ATRNL1: variants seen among roughly 807,000 people sequenced by gnomAD.
The protein encoded by ATRNL1 is attractin like 1, also known as attractin-like protein 1.
In ATRNL1, 95 loss-of-function variants were observed where a neutral mutation model predicts 182.7. The ratio of observed to expected loss-of-function variants is 0.52; its 90% confidence interval spans 0.44 to 0.62. ATRNL1 has a LOEUF of 0.62. ATRNL1 is among the 20% of genes least tolerant of loss of function. The pLI, the probability that ATRNL1 is intolerant of heterozygous loss-of-function variation, is 0.00. For synonymous variants in ATRNL1, 576 were observed against 568.3 expected (o/e 1.01, Z -0.19); for missense variants, 1,471 against 1,679.5 (o/e 0.88, Z 2.17).
At chr10:115,145,081 T>G (rs1260850273) in intron 5 of ATRNL1, among the ~76,000 whole-genome samples, 1 of 152,190 alleles carries the variant, frequency 6.6e-6, no homozygotes, top group Non-Finnish European at 1.5e-5. Flanking sequence ...TTTTAGATGT[T>G]TTTGAAATAT....
At position 115,266,960 on chromosome 10, in the gene ATRNL1, G is replaced by A. The variant is rs1235667975; in HGVS notation, c.1936G>A (p.Gly646Arg). ...NKNHCESWESGNTNNILRAKC... is the reference protein window; with the variant it reads ...NKNHCESWESRNTNNILRAKC... ...AAATCACTGTGAATCTTGGGAATCT[G>A]GGAATACTAATAATATTCTTAGAGC... Residue 646 changes from glycine to arginine, a missense_variant, in exon 12 of 29, where the codon GGG (glycine) becomes AGG (arginine). Coordinates refer to ENST00000355044, the MANE Select transcript of ATRNL1 (RefSeq NM_207303.4). The A allele has an allele frequency of 6.2e-7, 1 of 1,611,698 alleles. No individual in the cohort carries two copies. The highest frequency in any genetic ancestry group is 1.3e-5 in the African/African-American group (1 of 74,810).
At chr10:115,427,900 C>CT (rs575225403) in intron 21 of ATRNL1, among the ~76,000 whole-genome samples, 4,714 of 142,982 alleles carry the variant, frequency 0.033, 103 homozygotes, top group Non-Finnish European at 0.044. Context: ...TTTGACTACT[C>CT]TTTTTTTTTT....
intron 24 of ATRNL1, among the ~76,000 whole-genome samples, chr10:115,514,017 G>A (rs1554983291): frequency 1.3e-5 from 2 of 151,774 alleles, no homozygotes. Flanking sequence ...ATTTCAGATG[G>A]TACTTTTTAT....
intron 10 of ATRNL1, among the ~76,000 whole-genome samples, chr10:115,260,261 T>C (rs1554908400): frequency 1.3e-5 from 2 of 152,196 alleles, no homozygotes; most frequent in Non-Finnish European, 2.9e-5. Flanking sequence ...AACAGTGGGA[T>C]TAAATGAAAG....
At chr10:115,825,841 T>C (rs1408600936) in intron 27 of ATRNL1, among the ~76,000 whole-genome samples, 2 of 152,310 alleles carry the variant, frequency 1.3e-5, no homozygotes, top group East Asian at 1.9e-4. Flanking sequence ...CAAGCTTGTA[T>C]AGCCTATGTA....
intron 26 of ATRNL1, among the ~76,000 whole-genome samples, chr10:115,664,185 T>C (rs1363293662): frequency 1.3e-5 from 2 of 152,182 alleles, no homozygotes; most frequent in Non-Finnish European, 2.9e-5. Flanking sequence ...TCCAGAACTT[T>C]CTAACTCCCT....
intron 16 of ATRNL1, 97 bp downstream of exon 16, chr10:115,300,344 T>A: frequency 1.1e-6 from 1 of 944,970 alleles, no homozygotes; most frequent in Non-Finnish European, 1.5e-6. Context: ...CTATGATATT[T>A]ATGTAAATTT....
At chr10:115,556,078 G>T (rs1554996950) in intron 26 of ATRNL1, among the ~76,000 whole-genome samples, 1 of 151,918 alleles carries the variant, frequency 6.6e-6, no homozygotes, top group East Asian at 1.9e-4. Flanking sequence ...GAACAAGTTG[G>T]TTTCATAATG....
At chr10:115,319,698 G>A (rs1487541744) in intron 18 of ATRNL1, among the ~76,000 whole-genome samples, 1 of 150,216 alleles carries the variant, frequency 6.7e-6, no homozygotes, top group Non-Finnish European at 1.5e-5. Flanking sequence ...TCAGAGACTA[G>A]TATTGCATCC....
intron 26 of ATRNL1, among the ~76,000 whole-genome samples, chr10:115,558,115 G>A (rs1335790193): frequency 2.0e-5 from 3 of 151,698 alleles, no homozygotes; most frequent in African/African-American, 4.8e-5. Flanking sequence ...AAGTGCATAC[G>A]GAAAACAAAG....
At chr10:115,678,912 A>G (rs531345310) in intron 26 of ATRNL1, among the ~76,000 whole-genome samples, 11 of 152,142 alleles carry the variant, frequency 7.2e-5, no homozygotes, top group Non-Finnish European at 1.5e-4. Context: ...AAAAGAAAGT[A>G]TCTCCTCACT....
At chr10:115,827,003 C>T (rs1354030941) in intron 27 of ATRNL1, among the ~76,000 whole-genome samples, 1 of 152,072 alleles carries the variant, frequency 6.6e-6, no homozygotes, top group South Asian at 2.1e-4. Context: ...TCTCCTGACA[C>T]CTCCATTCAA....
chr10:115,629,264 A>G (rs1052601633), intron 26 of ATRNL1, among the ~76,000 whole-genome samples: 1 of 152,202 alleles, frequency 6.6e-6, no homozygotes, highest in Non-Finnish European at 1.5e-5. Context: ...CTTAATGTTT[A>G]GTGCGGGTCC....
chr10:115,817,676 A>G (rs138464797), intron 27 of ATRNL1, among the ~76,000 whole-genome samples: 101 of 151,956 alleles, frequency 6.6e-4, no homozygotes, highest in African/African-American at 2.3e-3. Context: ...AAAATAAATC[A>G]CCTCTTATAC....
intron 26 of ATRNL1, among the ~76,000 whole-genome samples, chr10:115,581,364 C>T (rs1225841695): frequency 1.3e-5 from 2 of 151,970 alleles, no homozygotes; most frequent in Non-Finnish European, 2.9e-5. Context: ...TATGTATTGT[C>T]AGGGAGAAGC....
At chr10:115,121,141 C>T (rs1482909454) in intron 2 of ATRNL1, among the ~76,000 whole-genome samples, 1 of 151,996 alleles carries the variant, frequency 6.6e-6, no homozygotes, top group Non-Finnish European at 1.5e-5. Context: ...GAGACAGAGC[C>T]TCACTCTGTT....
chr10:115,658,621 T>G (rs1008260155), intron 26 of ATRNL1, among the ~76,000 whole-genome samples: 1 of 151,994 alleles, frequency 6.6e-6, no homozygotes, highest in Non-Finnish European at 1.5e-5. Flanking sequence ...CCCTATCTGG[T>G]CAGGAGGATA....
intron 13 of ATRNL1, among the ~76,000 whole-genome samples, chr10:115,274,115 C>A (rs2133904777): frequency 1.3e-5 from 2 of 152,142 alleles, no homozygotes; most frequent in East Asian, 3.9e-4. Context: ...CTATTATTTG[C>A]CTATAGGGGC....
chr10:115,094,127 G>C (rs2084950018), intron 1 of ATRNL1, 84 bp downstream of exon 1: 1 of 1,233,018 alleles, frequency 8.1e-7, no homozygotes, highest in African/African-American at 1.6e-5. Context: ...GGCCTCCCCC[G>C]CCCCCGTCGC....
Sources: gnomAD v4.1 joint callset for allele counts (sites outside exome capture counted in the v4.1 genomes callset) on GRCh38, gnomAD v4.1.1 for gene constraint, MANE v1.5 for transcripts, NCBI Gene and HGNC (gene_info 2026-07-23, HGNC 2026-07-21) for gene names.